Variants in CDK14 observed in about 807,000 individuals in gnomAD.
CDK14 encodes the protein cyclin dependent kinase 14.
Under a neutral mutation model 60.7 loss-of-function variants are expected in CDK14, and 34 were observed. The observed-to-expected ratio is 0.56, with a 90% CI of 0.43 to 0.75. The LOEUF is 0.75. CDK14 is among the 30% of genes least tolerant of loss of function. The pLI is 0.00. For missense variants in CDK14, 482 were observed against 564.1 expected (o/e 0.85, Z 1.47); for synonymous variants, 197 against 203.7 (o/e 0.97, Z 0.28).
chr7:90,733,769 G>A (rs1459805833), intron 3 of CDK14, among the ~76,000 whole-genome samples: 1 of 152,218 alleles, frequency 6.6e-6, no homozygotes, highest in Non-Finnish European at 1.5e-5. Flanking sequence ...CAATTTGCCA[G>A]TCTGTGTCTT....
intron 6 of CDK14, among the ~76,000 whole-genome samples, chr7:90,879,718 A>G (rs1360048524): frequency 1.3e-5 from 2 of 152,104 alleles, no homozygotes; most frequent in Non-Finnish European, 2.9e-5. Flanking sequence ...CATTGTGCAC[A>G]TGTACCCTAG....
chr7:91,179,477 A>C (rs1162472185), intron 14 of CDK14, among the ~76,000 whole-genome samples: 2 of 146,736 alleles, frequency 1.4e-5, no homozygotes, highest in Non-Finnish European at 3.0e-5. Context: ...CACGATGTGC[A>C]CATGTACCCT....
At chr7:90,651,897 A>G (rs868149482) in intron 2 of CDK14, among the ~76,000 whole-genome samples, 4 of 152,148 alleles carry the variant, frequency 2.6e-5, no homozygotes, top group African/African-American at 9.7e-5. Context: ...TCTGTTTAAT[A>G]CAAGTACTTA....
intron 14 of CDK14, among the ~76,000 whole-genome samples, chr7:91,196,340 G>A (rs554278091): frequency 6.6e-6 from 1 of 150,818 alleles, no homozygotes; most frequent in African/African-American, 2.4e-5. Context: ...CATCTCTTGA[G>A]GCAGGTCAAG....
At chr7:91,149,901 G>A (rs548751833) in intron 14 of CDK14, among the ~76,000 whole-genome samples, 1 of 152,144 alleles carries the variant, frequency 6.6e-6, no homozygotes, top group Non-Finnish European at 1.5e-5. Flanking sequence ...AGAAAGTAGG[G>A]GATTGCGATG....
At chr7:90,666,923 T>G (rs1178394683) in intron 2 of CDK14, among the ~76,000 whole-genome samples, 3 of 152,226 alleles carry the variant, frequency 2.0e-5, no homozygotes, top group African/African-American at 7.2e-5. Context: ...CACATGCAAA[T>G]GTAGAGAGAA....
chr7:90,638,453 T>A (rs1164295113), intron 2 of CDK14, among the ~76,000 whole-genome samples: 3 of 152,246 alleles, frequency 2.0e-5, no homozygotes, highest in Non-Finnish European at 2.9e-5. Context: ...ATGTTGAATA[T>A]TGGCCCCCAC....
chr7:90,954,618 CTT>C (rs1190916427), intron 8 of CDK14, among the ~76,000 whole-genome samples: 1 of 27,066 alleles, frequency 3.7e-5, no homozygotes, highest in East Asian at 7.0e-4. Flanking sequence ...AAACTTTTTT[CTT>C]TTTTTTTTTT....
chr7:90,788,498 G>A (rs1020980062), intron 4 of CDK14, among the ~76,000 whole-genome samples: 1 of 152,160 alleles, frequency 6.6e-6, no homozygotes, highest in African/African-American at 2.4e-5. Context: ...AAAGCAGCAG[G>A]CCTGTCCTGT....
At chr7:90,815,789 C>A (rs1314991934) in intron 5 of CDK14, among the ~76,000 whole-genome samples, 1 of 152,134 alleles carries the variant, frequency 6.6e-6, no homozygotes, top group Non-Finnish European at 1.5e-5. Context: ...AAGCTGGAAG[C>A]CATCATTCTC....
chr7:90,966,523 G>A (rs888260343), intron 9 of CDK14, among the ~76,000 whole-genome samples: 10 of 152,246 alleles, frequency 6.6e-5, no homozygotes, highest in African/African-American at 1.9e-4. Context: ...GAGTGGAAAG[G>A]GGAGCTGATG....
At chr7:90,605,289 G>T (rs113042685) in intron 2 of CDK14, among the ~76,000 whole-genome samples, 1 of 152,160 alleles carries the variant, frequency 6.6e-6, no homozygotes, top group African/African-American at 2.4e-5. Context: ...GGCTGTCACG[G>T]TCTGCTGCTT....
intron 14 of CDK14, among the ~76,000 whole-genome samples, chr7:91,123,964 T>C (rs994577323): frequency 3.9e-5 from 6 of 152,046 alleles, no homozygotes; most frequent in African/African-American, 1.4e-4. Flanking sequence ...GCTCTGTTGC[T>C]CAGGCTGAAC....
chr7:90,634,527 T>A lies in CDK14; in HGVS notation c.123+30278T>A, dbSNP rs559111303. ...TGTGCCACATTTTCTTAATCCAGTCTATCATTGTTGGACATTTGGGTTGGT... is the reference window on the plus strand; with the variant it reads ...TGTGCCACATTTTCTTAATCCAGTCAATCATTGTTGGACATTTGGGTTGGT... On this transcript the variant is annotated intron_variant, in intron 2 of 14. Coordinates refer to ENST00000380050, the MANE Select transcript of CDK14 (RefSeq NM_001287135.2). 2.6e-5 allele frequency among the ~76,000 whole-genome samples: 4 copies of A among 152,026 alleles called. No individual in the cohort carries two copies. In the East Asian group the frequency reaches 7.7e-4, roughly 29 times the overall value.
At chr7:90,785,368 G>C (rs996134873) in intron 4 of CDK14, among the ~76,000 whole-genome samples, 1 of 152,126 alleles carries the variant, frequency 6.6e-6, no homozygotes, top group African/African-American at 2.4e-5. Flanking sequence ...CTTTCTTTGA[G>C]AATTTTTTTC....
At chr7:90,728,643 C>G (rs1802731118) in intron 3 of CDK14, among the ~76,000 whole-genome samples, 1 of 151,800 alleles carries the variant, frequency 6.6e-6, no homozygotes, top group Non-Finnish European at 1.5e-5. Context: ...TCTGGATTTC[C>G]TTTGAGTTTC....
intron 11 of CDK14, among the ~76,000 whole-genome samples, chr7:91,062,388 G>C (rs1055492904): frequency 3.9e-5 from 6 of 152,032 alleles, no homozygotes; most frequent in Non-Finnish European, 8.8e-5. Flanking sequence ...CTCACACTCA[G>C]TGCACTGCAC....
chr7:90,726,403 A>T, intron 2 of CDK14, 164 bp from the exon 3 acceptor site: 1 of 1,257,906 alleles, frequency 7.9e-7, no homozygotes. Flanking sequence ...GATTGTGAGG[A>T]TTTTTTTGTA....
chr7:90,986,772 AATG>A (rs947881346), intron 10 of CDK14, among the ~76,000 whole-genome samples: 12 of 152,000 alleles, frequency 7.9e-5, no homozygotes, highest in Admixed American at 7.9e-4. Flanking sequence ...GCTCATGTAT[AATG>A]ATAATAATAG....
Sources: gnomAD v4.1 joint callset for allele counts (sites outside exome capture counted in the v4.1 genomes callset) on GRCh38, gnomAD v4.1.1 for gene constraint, MANE v1.5 for transcripts, NCBI Gene and HGNC (gene_info 2026-07-23, HGNC 2026-07-21) for gene names.